The following ZMYM4 variants were observed in gnomAD, a reference collection of about 807,000 sequenced individuals.
ZMYM4 encodes the protein zinc finger MYM-type containing 4, also known as zinc finger MYM-type protein 4.
Under a neutral mutation model 183.2 loss-of-function variants are expected in ZMYM4, and 31 were observed. The observed-to-expected ratio is 0.17, with a 90% CI of 0.13 to 0.23. The LOEUF is 0.23. Ranked by LOEUF, ZMYM4 falls within the 10% of genes least tolerant of loss-of-function variation. The pLI, the probability that ZMYM4 is intolerant of heterozygous loss-of-function variation, is 1.00. For missense variants in ZMYM4, 1,273 were observed against 1,840.3 expected (o/e 0.69, Z 5.64); for synonymous variants, 592 against 631.2 (o/e 0.94, Z 0.93).
At chr1:35,367,350 T>C (rs1018569199) in intron 5 of ZMYM4, among the ~76,000 whole-genome samples, 1 of 151,902 alleles carries the variant, frequency 6.6e-6, no homozygotes, top group Admixed American at 6.6e-5. Context: ...TGCCTCAGCC[T>C]CCTGAGTAGC....
intron 1 of ZMYM4, among the ~76,000 whole-genome samples, chr1:35,293,854 A>C (rs1640879906): frequency 6.6e-6 from 1 of 152,110 alleles, no homozygotes; most frequent in Non-Finnish European, 1.5e-5. Context: ...GGAATACTTG[A>C]ATTATTTAAG....
chr1:35,378,905 C>G (rs1049406447), intron 7 of ZMYM4, among the ~76,000 whole-genome samples: 10 of 152,188 alleles, frequency 6.6e-5, no homozygotes, highest in African/African-American at 2.4e-4. Context: ...TAGCTTCTTT[C>G]GTTAAACCGT....
At chr1:35,383,492 T>G (rs1009887928) in intron 9 of ZMYM4, among the ~76,000 whole-genome samples, 3 of 152,128 alleles carry the variant, frequency 2.0e-5, no homozygotes, top group Admixed American at 6.5e-5. Flanking sequence ...TTATTTCCTG[T>G]TAATGTGAAA....
chr1:35,380,301 ATTTATTTATTTAT>A (rs902635929), intron 7 of ZMYM4, among the ~76,000 whole-genome samples: 11 of 151,330 alleles, frequency 7.3e-5, no homozygotes, highest in Non-Finnish European at 1.2e-4. Context: ...GGTTTTTATT[ATTTATTTATTTAT>A]TTTATTTATT....
At position 35,337,817 on chromosome 1, in the gene ZMYM4, C is replaced by G. The variant is rs147868715; in HGVS notation, c.85+12412C>G. 2.5e-3 allele frequency among the ~76,000 whole-genome samples: 378 copies of G among 151,964 alleles called. 3 individuals are homozygous for G. The highest frequency in any genetic ancestry group is 8.8e-3 in the African/African-American group (364 of 41,444). On this transcript the variant is annotated intron_variant, in intron 2 of 29. Coordinates refer to ENST00000314607, the MANE Select transcript of ZMYM4 (RefSeq NM_005095.3). ...AGCTGGGCGTGGTGGCAGGCACCTGCAATTCCAGCTACTTGGGAGGCTGAG... is the reference window on the plus strand; with the variant it reads ...AGCTGGGCGTGGTGGCAGGCACCTGGAATTCCAGCTACTTGGGAGGCTGAG...
At chr1:35,416,554 G>T (rs1001883420) in intron 28 of ZMYM4, among the ~76,000 whole-genome samples, 7 of 151,820 alleles carry the variant, frequency 4.6e-5, no homozygotes, top group African/African-American at 1.7e-4. Flanking sequence ...GCTCTCAATT[G>T]ATTTTTATTT....
chr1:35,324,062 A>G (rs1469181314), intron 1 of ZMYM4, among the ~76,000 whole-genome samples: 2 of 152,056 alleles, frequency 1.3e-5, no homozygotes, highest in Non-Finnish European at 2.9e-5. Flanking sequence ...GAATTCTGAT[A>G]TATTTTACCA....
chr1:35,393,476 T>G, intron 17 of ZMYM4, 119 bp from the exon 18 acceptor site: 1 of 901,584 alleles, frequency 1.1e-6, no homozygotes, highest in Non-Finnish European at 1.6e-6. Flanking sequence ...GTTGAATATT[T>G]ACTTGCTATG....
At chr1:35,278,931 T>C (rs1640009477) in intron 1 of ZMYM4, among the ~76,000 whole-genome samples, 1 of 152,146 alleles carries the variant, frequency 6.6e-6, no homozygotes, top group Non-Finnish European at 1.5e-5. Flanking sequence ...GCTGTTAAGA[T>C]AGACATTCCC....
At chr1:35,280,240 TTC>T (rs757730464) in intron 1 of ZMYM4, among the ~76,000 whole-genome samples, 44 of 145,900 alleles carry the variant, frequency 3.0e-4, no homozygotes, top group African/African-American at 1.1e-3. Context: ...TTCTCTTTCT[TTC>T]TCTCTTTCTT....
intron 28 of ZMYM4, among the ~76,000 whole-genome samples, chr1:35,418,164 C>T (rs1208254267): frequency 6.6e-6 from 1 of 152,152 alleles, no homozygotes; most frequent in Admixed American, 6.5e-5. Context: ...AGACGTTTTC[C>T]AGTGCCAGTG....
chr1:35,297,803 A>G (rs920923731), intron 1 of ZMYM4, among the ~76,000 whole-genome samples: 14 of 152,076 alleles, frequency 9.2e-5, no homozygotes, highest in African/African-American at 3.4e-4. Flanking sequence ...TGAGCCCTAT[A>G]CTCAAGCCTA....
chr1:35,360,848 A>G (rs545612412), intron 3 of ZMYM4, among the ~76,000 whole-genome samples: 23 of 152,204 alleles, frequency 1.5e-4, no homozygotes, highest in African/African-American at 5.3e-4. Flanking sequence ...TGAGTCTGGA[A>G]AACTGTATAA....
intron 5 of ZMYM4, chr1:35,366,204 A>G (rs1319230849): frequency 1.3e-5 from 2 of 152,242 alleles, no homozygotes; most frequent in Non-Finnish European, 2.9e-5. Flanking sequence ...AAATAAGGGT[A>G]TCTGTAATAG....
At chr1:35,313,141 G>A (rs1049354980) in intron 1 of ZMYM4, among the ~76,000 whole-genome samples, 1 of 151,700 alleles carries the variant, frequency 6.6e-6, no homozygotes, top group East Asian at 2.0e-4. Context: ...TGATCCACCC[G>A]CCTCAGCCTC....
chr1:35,270,551 G>A (rs1639544167), intron 1 of ZMYM4, among the ~76,000 whole-genome samples: 1 of 152,170 alleles, frequency 6.6e-6, no homozygotes, highest in African/African-American at 2.4e-5. Context: ...TTGAGGCCAG[G>A]AGTTCGAGAC....
chr1:35,373,005 A>T (rs1644248001), intron 7 of ZMYM4, among the ~76,000 whole-genome samples: 1 of 152,058 alleles, frequency 6.6e-6, no homozygotes, highest in African/African-American at 2.4e-5. Flanking sequence ...GTAAAAATAC[A>T]AAAATTAGCT....
chr1:35,413,484 G>A (rs893689595), intron 26 of ZMYM4, among the ~76,000 whole-genome samples: 1 of 152,166 alleles, frequency 6.6e-6, no homozygotes, highest in African/African-American at 2.4e-5. Context: ...TAGTTAGAAG[G>A]CTCCAAATAA....
chr1:35,352,814 C>A (rs1430537902), intron 2 of ZMYM4, among the ~76,000 whole-genome samples: 2 of 152,170 alleles, frequency 1.3e-5, no homozygotes, highest in African/African-American at 4.8e-5. Flanking sequence ...TCAGGACTCT[C>A]AGCTGTCTTC....
Sources: allele counts gnomAD v4.1 joint callset (sites outside exome capture counted in the v4.1 genomes callset), GRCh38; gene constraint gnomAD v4.1.1; transcripts MANE v1.5; gene names NCBI Gene and HGNC (gene_info 2026-07-23, HGNC 2026-07-21).